PTPN13: variants seen among roughly 807,000 people sequenced by gnomAD.
PTPN13 encodes the protein tyrosine-protein phosphatase non-receptor type 13.
In PTPN13, 191 loss-of-function variants were observed where a neutral mutation model predicts 284.0. That is an observed-to-expected ratio of 0.67 (90% CI 0.60 to 0.76). The LOEUF (loss-of-function observed/expected upper bound fraction) is 0.76, where lower values mean the gene tolerates loss of function less well. Among genes scored for constraint, PTPN13 ranks in the 30% least tolerant of loss-of-function variants. PTPN13 has a pLI of 0.00. For missense variants in PTPN13, 2,797 were observed against 2,939.9 expected (o/e 0.95, Z 1.12); for synonymous variants, 986 against 1,022.3 (o/e 0.96, Z 0.68).
rs548070149 is a variant in PTPN13 at position 86,733,386 on chromosome 4, CT to C, written c.1858+623del. 3.9e-5 allele frequency among the ~76,000 whole-genome samples: 6 copies of C among 152,100 alleles called. No individual in the cohort carries two copies. In the South Asian group the frequency reaches 1.0e-3, roughly 26 times the overall value. On this transcript the variant is annotated intron_variant, in intron 12 of 47. Coordinates refer to ENST00000411767, the MANE Select transcript of PTPN13 (RefSeq NM_080683.3). ...TAAATCATTATATTTATAAATTACTCTTTAATATTTCAGATTCCTGTTTACC... is the reference window on the plus strand; with the variant it reads ...TAAATCATTATATTTATAAATTACTCTTAATATTTCAGATTCCTGTTTACC...
intron 2 of PTPN13, among the ~76,000 whole-genome samples, chr4:86,637,861 A>C (rs1227625846): frequency 6.7e-6 from 1 of 149,588 alleles, no homozygotes. Flanking sequence ...AATAAAGGGT[A>C]TTCAATTAGG....
At chr4:86,689,636 C>A (rs145132860) in intron 5 of PTPN13, 2 of 702,194 alleles carry the variant, frequency 2.8e-6, no homozygotes, top group Non-Finnish European at 5.2e-6. Context: ...CCCAAACCTT[C>A]TCCACTTTCC....
chr4:86,601,209 T>TA (rs1764268295), intron 1 of PTPN13, among the ~76,000 whole-genome samples: 1 of 152,038 alleles, frequency 6.6e-6, no homozygotes, highest in Non-Finnish European at 1.5e-5. Flanking sequence ...AAAAATTAAA[T>TA]AAAAAATCAC....
At chr4:86,789,971 C>T (rs1404059522) in intron 40 of PTPN13, among the ~76,000 whole-genome samples, 1 of 151,802 alleles carries the variant, frequency 6.6e-6, no homozygotes, top group Non-Finnish European at 1.5e-5. Context: ...TGAGCTTTAC[C>T]TCACCATTTT....
At chr4:86,707,870 T>C (rs1731944474) in intron 7 of PTPN13, among the ~76,000 whole-genome samples, 2 of 152,212 alleles carry the variant, frequency 1.3e-5, no homozygotes, top group Admixed American at 1.3e-4. Flanking sequence ...CAGGCATTAA[T>C]GACTTAATTA....
chr4:86,784,159 A>G (rs1360727665), intron 37 of PTPN13, among the ~76,000 whole-genome samples: 1 of 152,150 alleles, frequency 6.6e-6, no homozygotes, highest in Non-Finnish European at 1.5e-5. Context: ...AAGAAGTACT[A>G]CATAATAGAG....
At chr4:86,784,607 C>A (rs770152566) in intron 38 of PTPN13, 49 bp downstream of exon 38, 2 of 1,240,778 alleles carry the variant, frequency 1.6e-6, no homozygotes, top group South Asian at 1.4e-5. Context: ...CCTAATAATT[C>A]AGGTAATTAA....
intron 7 of PTPN13, among the ~76,000 whole-genome samples, chr4:86,702,211 C>T (rs1565363117): frequency 1.3e-5 from 2 of 152,228 alleles, no homozygotes; most frequent in Non-Finnish European, 1.5e-5. Flanking sequence ...TCAAAATCAG[C>T]AATGCCGGAG....
rs773296258 is a variant in PTPN13 at position 86,750,532 on chromosome 4, C to T, written c.2713C>T (p.Arg905Ter). Residue 905 changes from arginine to a stop codon, truncating the protein, a stop_gained, in exon 18 of 48, where the codon CGA becomes TGA. Transcript: ENST00000411767. LOFTEE classifies it high-confidence loss of function. ...GTCTGTTAGAGGATTTAATATGGGA[C>T]GAGCAATCAGCACTGGCAGTCTGGC... ...AESVRGFNMG[R>*]AISTGSLASS... is the part of the protein sequence containing the mutation. 6.8e-6 allele frequency: 11 copies of T among 1,613,896 alleles called. No homozygotes were observed. The highest frequency in any genetic ancestry group is 9.3e-6 in the Non-Finnish European group (11 of 1,179,844).
chr4:86,652,558 T>C (rs1725220848), intron 2 of PTPN13, among the ~76,000 whole-genome samples: 1 of 152,192 alleles, frequency 6.6e-6, no homozygotes. Context: ...AGTTTTTTCC[T>C]TCAGCATTTT....
intron 2 of PTPN13, among the ~76,000 whole-genome samples, chr4:86,664,482 G>C (rs184933716): frequency 2.0e-5 from 3 of 152,202 alleles, no homozygotes; most frequent in Admixed American, 2.0e-4. Flanking sequence ...AAAGGTTGTG[G>C]ACCTGTGGTA....
chr4:86,655,524 A>G (rs926147162), intron 2 of PTPN13, among the ~76,000 whole-genome samples: 2 of 152,132 alleles, frequency 1.3e-5, no homozygotes, highest in African/African-American at 2.4e-5. Flanking sequence ...TGGATATGAA[A>G]TTCTGGGTTG....
intron 33 of PTPN13, 119 bp downstream of exon 33, chr4:86,774,650 C>T (rs1255059805): frequency 3.5e-6 from 3 of 862,746 alleles, no homozygotes; most frequent in African/African-American, 1.8e-5. Flanking sequence ...TTTCTGTTTC[C>T]ACCACTTAAA....
intron 1 of PTPN13, among the ~76,000 whole-genome samples, chr4:86,595,370 C>T (rs1447985589): frequency 6.6e-6 from 1 of 151,866 alleles, no homozygotes; most frequent in Non-Finnish European, 1.5e-5. Flanking sequence ...TAACACTCTA[C>T]CCTCCGGCCC....
chr4:86,753,581 A>T (rs986906760), intron 20 of PTPN13, among the ~76,000 whole-genome samples: 13 of 152,070 alleles, frequency 8.5e-5, no homozygotes, highest in Admixed American at 4.6e-4. Context: ...GCTAAATATT[A>T]TGAGGATATT....
chr4:86,647,972 A>C (rs1016631935), intron 2 of PTPN13, among the ~76,000 whole-genome samples: 2 of 152,158 alleles, frequency 1.3e-5, no homozygotes, highest in Non-Finnish European at 2.9e-5. Context: ...AGCAGCCCCC[A>C]AAAATGAATA....
chr4:86,766,378 A>G lies in PTPN13; in HGVS notation c.4244-54A>G, dbSNP rs148709161. On this transcript the variant is annotated intron_variant, in intron 26 of 47. Coordinates refer to ENST00000411767, the MANE Select transcript of PTPN13 (RefSeq NM_080683.3). Reference sequence around the variant, plus strand: ...AATGAATACGAAATAAGACCATAAGATTTAAAAGAACATGTAGGATTTTTA... The same window carrying G: ...AATGAATACGAAATAAGACCATAAGGTTTAAAAGAACATGTAGGATTTTTA... 1.4e-3 allele frequency: 1,977 copies of G among 1,380,588 alleles called. 19 individuals are homozygous for G. In the African/African-American group the frequency reaches 0.023, roughly 16 times the overall value. 85.5% of individuals were successfully genotyped at this position (1,380,588 alleles called of 1,614,324 possible).
At chr4:86,672,593 C>A in intron 3 of PTPN13, 50 bp downstream of exon 3, 2 of 1,396,978 alleles carry the variant, frequency 1.4e-6, no homozygotes, top group South Asian at 2.7e-5. Flanking sequence ...GGGGATAGGT[C>A]AAATAAAGAC....
chr4:86,811,773 A>G (rs1436815648), intron 47 of PTPN13, among the ~76,000 whole-genome samples: 2 of 152,208 alleles, frequency 1.3e-5, no homozygotes, highest in African/African-American at 4.8e-5. Flanking sequence ...ATATCCATAA[A>G]TTAACATTTC....
Sources: allele counts gnomAD v4.1 joint callset (sites outside exome capture counted in the v4.1 genomes callset), GRCh38; gene constraint gnomAD v4.1.1; transcripts MANE v1.5; gene names NCBI Gene and HGNC (gene_info 2026-07-23, HGNC 2026-07-21).